The following GAS7 variants were observed in gnomAD, a reference collection of about 807,000 sequenced individuals.
The protein encoded by GAS7 is growth arrest-specific protein 7.
Under a neutral mutation model 71.1 loss-of-function variants are expected in GAS7, and 28 were observed. The observed-to-expected ratio is 0.39, with a 90% CI of 0.29 to 0.54. The LOEUF is 0.54. GAS7 is among the 20% of genes least tolerant of loss of function. The pLI, the probability that GAS7 is intolerant of heterozygous loss-of-function variation, is 0.62. For missense variants in GAS7, 436 were observed against 627.8 expected, an observed-to-expected ratio of 0.69 and a Z score of 3.27; for synonymous variants, 258 against 245.8, an observed-to-expected ratio of 1.05 and a Z score of -0.46.
At chr17:9,921,161 T>TC (rs1317161225) in intron 11 of GAS7, among the ~76,000 whole-genome samples, 2 of 149,934 alleles carry the variant, frequency 1.3e-5, no homozygotes, top group Non-Finnish European at 3.0e-5. Context: ...TTTTTTCTTT[T>TC]TTTTTTTTTT....
chr17:10,168,779 T>C (rs567315510), intron 1 of GAS7, among the ~76,000 whole-genome samples: 22 of 151,928 alleles, frequency 1.4e-4, no homozygotes, highest in Non-Finnish European at 3.1e-4. Context: ...GAGACCAGCC[T>C]GGCCAACATG....
At chr17:10,007,321 G>A (rs1364659271) in intron 2 of GAS7, among the ~76,000 whole-genome samples, 4 of 152,032 alleles carry the variant, frequency 2.6e-5, no homozygotes, top group African/African-American at 9.7e-5. Flanking sequence ...CCCTAACCAA[G>A]ACGTCTAAAG....
chr17:10,007,131 A>G (rs993537411), intron 2 of GAS7, among the ~76,000 whole-genome samples: 1 of 152,258 alleles, frequency 6.6e-6, no homozygotes, highest in Admixed American at 6.5e-5. Flanking sequence ...GTCCTTGCAA[A>G]TAAAAATAGG....
intron 1 of GAS7, among the ~76,000 whole-genome samples, chr17:10,197,897 G>A (rs1218635925): frequency 6.6e-6 from 1 of 152,322 alleles, no homozygotes; most frequent in East Asian, 1.9e-4. Context: ...CCACTGCCGG[G>A]AACGCTCCCG....
chr17:9,966,011 T>G (rs1215680787), intron 4 of GAS7, among the ~76,000 whole-genome samples: 1 of 148,188 alleles, frequency 6.7e-6, no homozygotes, highest in African/African-American at 2.5e-5. Flanking sequence ...TTTTTTTTTT[T>G]TTTTGGAGAT....
chr17:10,132,354 TTCAACC>T (rs2074003774), intron 1 of GAS7, among the ~76,000 whole-genome samples: 1 of 152,210 alleles, frequency 6.6e-6, no homozygotes, highest in Non-Finnish European at 1.5e-5. Flanking sequence ...CTTGCTGATC[TTCAACC>T]TCACCCCACC....
intron 12 of GAS7, among the ~76,000 whole-genome samples, chr17:9,918,850 GGGGT>G (rs1007811842): frequency 6.6e-6 from 1 of 152,132 alleles, no homozygotes; most frequent in Non-Finnish European, 1.5e-5. Flanking sequence ...ATCAGAAAGG[GGGGT>G]AAAGCAGGGG....
intron 1 of GAS7, among the ~76,000 whole-genome samples, chr17:10,143,907 T>C (rs550668811): frequency 1.3e-5 from 2 of 152,136 alleles, no homozygotes; most frequent in South Asian, 4.1e-4. Context: ...GTGCCAAGCA[T>C]GTGAGTGTGC....
At chr17:9,951,265 T>C (rs954433620) in intron 5 of GAS7, among the ~76,000 whole-genome samples, 1 of 152,266 alleles carries the variant, frequency 6.6e-6, no homozygotes, top group African/African-American at 2.4e-5. Flanking sequence ...TCAAATTTAA[T>C]GATAAATTAA....
chr17:10,140,333 A>G (rs2142096056), intron 1 of GAS7, among the ~76,000 whole-genome samples: 1 of 152,242 alleles, frequency 6.6e-6, no homozygotes, highest in African/African-American at 2.4e-5. Context: ...ATGGTGGGGC[A>G]TGCCTGTGGT....
At chr17:10,187,116 G>A in intron 1 of GAS7, among the ~76,000 whole-genome samples, 1 of 152,092 alleles carries the variant, frequency 6.6e-6, no homozygotes, top group East Asian at 1.9e-4. Context: ...CTTAAAGTTA[G>A]GTGTGGCTGT....
chr17:10,017,469 C>CA (rs922402656), intron 2 of GAS7, among the ~76,000 whole-genome samples: 4 of 152,080 alleles, frequency 2.6e-5, no homozygotes, highest in African/African-American at 9.7e-5. Flanking sequence ...GCTGGGACTA[C>CA]AGGCGCCCGC....
At chr17:10,151,572 C>T (rs1024369) in intron 1 of GAS7, among the ~76,000 whole-genome samples, 108,972 of 151,974 alleles carry the variant, frequency 0.72, 39,497 homozygotes, top group African/African-American at 0.82. Context: ...ACAGATAGGG[C>T]CTCACTCTGT....
rs1182124462 is a variant in GAS7 at position 9,916,730 on chromosome 17, GA to G, written c.*497del. ...CAGAATGCAATGGGAAAAAAATAAAGAAGGAGGGCTGCAAAGGATTCTGGGT... is the reference window on the plus strand; with the variant it reads ...CAGAATGCAATGGGAAAAAAATAAAGAGGAGGGCTGCAAAGGATTCTGGGT... On this transcript the variant is annotated 3_prime_UTR_variant, in exon 14 of 14. Coordinates refer to ENST00000432992, the MANE Select transcript of GAS7 (RefSeq NM_201433.2). The G allele has an allele frequency of 5.1e-6, 2 of 389,914 alleles. No individual in the cohort carries two copies. Among genetic ancestry groups the G allele is most frequent in the Non-Finnish European group, 9.1e-6 (2 of 220,878 alleles). The allele number at this position is 389,914 out of a possible 1,614,324, so 24.2% of individuals were successfully genotyped here.
At chr17:10,110,523 T>C (rs1054194082) in intron 1 of GAS7, among the ~76,000 whole-genome samples, 4 of 152,154 alleles carry the variant, frequency 2.6e-5, no homozygotes, top group African/African-American at 9.7e-5. Context: ...TGAAGTGCAA[T>C]GGCGCAATCT....
intron 1 of GAS7, among the ~76,000 whole-genome samples, chr17:10,045,466 G>A (rs9896354): frequency 0.062 from 9,407 of 152,176 alleles, 612 homozygotes; most frequent in African/African-American, 0.17. Flanking sequence ...GGAGGCCGAG[G>A]CAGGTGGATC....
intron 1 of GAS7, among the ~76,000 whole-genome samples, chr17:10,186,784 A>G (rs2074457369): frequency 6.6e-6 from 1 of 152,038 alleles, no homozygotes; most frequent in Non-Finnish European, 1.5e-5. Flanking sequence ...ACACTTTGAG[A>G]GGCAGAGGCA....
chr17:10,016,506 G>A (rs2072009190), intron 2 of GAS7, among the ~76,000 whole-genome samples: 1 of 149,728 alleles, frequency 6.7e-6, no homozygotes, highest in Non-Finnish European at 1.5e-5. Flanking sequence ...GCCGAGCACG[G>A]TGGCTCATGC....
chr17:10,126,341 C>G (rs1381065570), intron 1 of GAS7, among the ~76,000 whole-genome samples: 1 of 146,972 alleles, frequency 6.8e-6, no homozygotes, highest in Non-Finnish European at 1.5e-5. Flanking sequence ...CTCACACACA[C>G]ACTCATACAC....
Sources: gnomAD v4.1 joint callset for allele counts (sites outside exome capture counted in the v4.1 genomes callset) on GRCh38, gnomAD v4.1.1 for gene constraint, MANE v1.5 for transcripts, NCBI Gene and HGNC (gene_info 2026-07-23, HGNC 2026-07-21) for gene names.